The following CNTNAP3B variants were observed in gnomAD, a reference collection of about 807,000 sequenced individuals.
CNTNAP3B encodes contactin-associated protein-like 3B.
A neutral mutation model predicts 108.9 loss-of-function variants in CNTNAP3B; 25 were observed. That is an observed-to-expected ratio of 0.23 (90% CI 0.17 to 0.32). The LOEUF is 0.32. Ranked by LOEUF, CNTNAP3B falls within the 10% of genes least tolerant of loss-of-function variation. The probability of loss-of-function intolerance (pLI) is 1.00; values close to 1 mark genes in which losing one functional copy is unlikely to be tolerated. For missense variants in CNTNAP3B, 252 were observed against 1,210.4 expected (o/e 0.21, Z 11.75); for synonymous variants, 103 against 473.4 (o/e 0.22, Z 10.16).
At chr9:41,952,078 C>A (rs1257559801) in intron 13 of CNTNAP3B, among the ~76,000 whole-genome samples, 1 of 152,252 alleles carries the variant, frequency 6.6e-6, no homozygotes, top group Non-Finnish European at 1.5e-5. Flanking sequence ...TCAATCCAGG[C>A]AGAGGAAATG....
At chr9:42,124,062 G>C (rs1177673897) in intron 1 of CNTNAP3B, among the ~76,000 whole-genome samples, 2 of 136,798 alleles carry the variant, frequency 1.5e-5, no homozygotes, top group Non-Finnish European at 3.1e-5. Flanking sequence ...CGTCTTCTTG[G>C]TAATTTAATT....
chr9:42,107,524 G>A (rs1228672825), intron 1 of CNTNAP3B, among the ~76,000 whole-genome samples: 5 of 124,360 alleles, frequency 4.0e-5, no homozygotes, highest in African/African-American at 1.7e-4. Context: ...TAGGATTAAG[G>A]TCCAAATATA....
intron 13 of CNTNAP3B, among the ~76,000 whole-genome samples, chr9:41,944,717 C>G (rs1824472341): frequency 6.6e-6 from 1 of 152,064 alleles, no homozygotes; most frequent in Non-Finnish European, 1.5e-5. Context: ...TGTAAACAGT[C>G]TAAATATACC....
chr9:42,071,950 T>C (rs1413265614), intron 3 of CNTNAP3B, among the ~76,000 whole-genome samples: 1 of 150,290 alleles, frequency 6.7e-6, no homozygotes, highest in African/African-American at 2.5e-5. Flanking sequence ...ATAATAAACT[T>C]AGTTTTGGAT....
intron 3 of CNTNAP3B, among the ~76,000 whole-genome samples, chr9:42,047,369 T>C (rs57152470): frequency 1.5e-5 from 2 of 133,144 alleles, no homozygotes; most frequent in African/African-American, 3.1e-5. Flanking sequence ...AGTAAGTGGT[T>C]ACTAAAGCTA....
chr9:41,928,776 C>T (rs1823892086), intron 15 of CNTNAP3B, among the ~76,000 whole-genome samples: 2 of 138,574 alleles, frequency 1.4e-5, no homozygotes, highest in East Asian at 4.3e-4. Context: ...CCGTGCTACC[C>T]AGTAGGTAGA....
Position 42,108,178 on chromosome 9 carries a change from C to T in CNTNAP3B, c.86-3439G>A, listed in dbSNP as rs564349819. ...ACAAGTGTTACAGGGGCTGGATCTC[C>T]CTCTTCCTCAGCTTATTTGGAAATC... On this transcript the variant is annotated intron_variant, in intron 1 of 23. Coordinates refer to ENST00000377561, the MANE Select transcript of CNTNAP3B (RefSeq NM_001201380.3). 2.0e-3 allele frequency among the ~76,000 whole-genome samples: 271 copies of T among 136,342 alleles called. 58 individuals are homozygous for T. Among genetic ancestry groups the T allele is most frequent in the African/African-American group, 7.6e-3 (259 of 34,088 alleles). 89.4% of individuals were successfully genotyped at this position (136,342 alleles called of 152,430 possible).
intron 14 of CNTNAP3B, among the ~76,000 whole-genome samples, chr9:41,930,150 C>A (rs1823934853): frequency 6.6e-6 from 1 of 152,264 alleles, no homozygotes; most frequent in Non-Finnish European, 1.5e-5. Context: ...AAAATGAGTC[C>A]CACAGATTCA....
chr9:42,107,991 A>G (rs1828115809), intron 1 of CNTNAP3B, among the ~76,000 whole-genome samples: 1 of 134,466 alleles, frequency 7.4e-6, no homozygotes, highest in Non-Finnish European at 1.6e-5. Flanking sequence ...AAAAAAAAGA[A>G]AGAAAGAAAG....
chr9:41,950,967 G>C (rs528343121), intron 13 of CNTNAP3B, among the ~76,000 whole-genome samples: 1 of 139,672 alleles, frequency 7.2e-6, no homozygotes, highest in African/African-American at 2.7e-5. Context: ...GTGTTAGCCA[G>C]GATGGTCTGA....
Position 42,087,532 on chromosome 9 carries a change from T to C in CNTNAP3B, c.197-10470A>G, listed in dbSNP as rs1274180582. On this transcript the variant is annotated intron_variant, in intron 2 of 23. Coordinates refer to ENST00000377561, the MANE Select transcript of CNTNAP3B (RefSeq NM_001201380.3). ...GAGTGTAATATTCATACGTGCCCTA[T>C]TGCATTGCCCCTGTGGGCCTCAGGG... 3.1e-4 allele frequency among the ~76,000 whole-genome samples: 45 copies of C among 143,468 alleles called. 1 individual carries two copies. Among genetic ancestry groups the C allele is most frequent in the African/African-American group, 1.1e-3 (43 of 38,024 alleles). The allele number at this position is 143,468 out of a possible 152,430, so 94.1% of individuals were successfully genotyped here. A position where few individuals can be genotyped will look rare whatever the true frequency, so the allele number is the denominator to read the frequency against.
At position 42,128,491 on chromosome 9, in the gene CNTNAP3B, G is replaced by T. The variant is rs549833192; in HGVS notation, c.85+519C>A. On this transcript the variant is annotated intron_variant, in intron 1 of 23. Coordinates refer to ENST00000377561, the MANE Select transcript of CNTNAP3B (RefSeq NM_001201380.3). The stretch of plus-strand genomic sequence containing the variant: ...GTTATTCCCTTAGTAGTTAGGGCAG[G>T]TTATTAATTTAGTTTCGCCTACAGG... 3.1e-4 allele frequency among the ~76,000 whole-genome samples: 42 copies of T among 137,658 alleles called. 8 individuals are homozygous for T. The highest frequency in any genetic ancestry group is 1.2e-3 in the African/African-American group (42 of 34,364). The allele number at this position is 137,658 out of a possible 152,430, so 90.3% of individuals were successfully genotyped here. A position where few individuals can be genotyped will look rare whatever the true frequency, so the allele number is the denominator to read the frequency against.
At position 41,947,494 on chromosome 9, in the gene CNTNAP3B, G is replaced by A. The variant is rs1218752274; in HGVS notation, c.2080+5689C>T. Among the ~76,000 whole-genome samples the A allele has an allele frequency of 1.8e-3, 276 of 152,246 alleles. 1 individual carries two copies. The Middle Eastern group carries it at 0.02, about 11-fold the overall frequency. ...AATGAAACTACATGAAAAACTAAAT[G>A]AAAATGAGAATACAACATATCAAAA... On this transcript the variant is annotated intron_variant, in intron 13 of 23. Coordinates refer to ENST00000377561, the MANE Select transcript of CNTNAP3B (RefSeq NM_001201380.3).
rs528037172 is a variant in CNTNAP3B at position 42,121,891 on chromosome 9, C to A, written c.85+7119G>T. Among the ~76,000 whole-genome samples, 4 of 140,084 alleles carry A rather than the reference C, an allele frequency of 2.9e-5. 1 individual carries two copies. The highest frequency in any genetic ancestry group is 4.6e-5 in the Non-Finnish European group (3 of 65,194). The allele number at this position is 140,084 out of a possible 152,430, so 91.9% of individuals were successfully genotyped here. ...AGTCTGCCAGTTTGTTTCATGGTTG[C>A]GGCAGAAGACTCCTGGGTCAAAGCA... On this transcript the variant is annotated intron_variant, in intron 1 of 23. Transcript: ENST00000377561.
intron 1 of CNTNAP3B, among the ~76,000 whole-genome samples, chr9:42,107,046 G>A (rs1828099141): frequency 1.1e-5 from 1 of 92,358 alleles, no homozygotes; most frequent in African/African-American, 4.1e-5. Flanking sequence ...CGTTTCACGT[G>A]TCCCTGGATT....
intron 1 of CNTNAP3B, among the ~76,000 whole-genome samples, chr9:42,121,860 C>T (rs1008108624): frequency 7.1e-6 from 1 of 140,550 alleles, no homozygotes; most frequent in Non-Finnish European, 1.5e-5. Context: ...TGCAAGCTAA[C>T]AAATGAGTCT....
rs1194966774 is a variant in CNTNAP3B at position 42,115,712 on chromosome 9, C to T, written c.86-10973G>A. Among the ~76,000 whole-genome samples the T allele has an allele frequency of 8.5e-5, 10 of 117,798 alleles. 2 individuals are homozygous for T. The East Asian group carries it at 1.3e-3, about 15-fold the overall frequency. The allele number at this position is 117,798 out of a possible 152,430, so 77.3% of individuals were successfully genotyped here. A position where few individuals can be genotyped will look rare whatever the true frequency, so the allele number is the denominator to read the frequency against. On this transcript the variant is annotated intron_variant, in intron 1 of 23. Transcript: ENST00000377561. ...ACAACCACACAAAACCCCATCTGTA[C>T]GTCACCACCATCAAAGACCAAAGGT...
At chr9:41,970,867 A>C (rs1394391905) in intron 9 of CNTNAP3B, among the ~76,000 whole-genome samples, 3 of 143,970 alleles carry the variant, frequency 2.1e-5, no homozygotes, top group African/African-American at 8.0e-5. Flanking sequence ...AGTCAAATAT[A>C]TAACTAAAGA....
At position 41,997,645 on chromosome 9, in the gene CNTNAP3B, C is replaced by G. The variant is rs773311649; in HGVS notation, c.850G>C (p.Val284Leu). The G allele has an allele frequency of 6.2e-7, 1 of 1,609,396 alleles. No homozygotes were observed. Among genetic ancestry groups the G allele is most frequent in the African/African-American group, 1.4e-5 (1 of 73,510 alleles). Reference sequence around the variant, plus strand: ...GTGTGTTTGTCCACGGTGAAGTTGACCTGCGTGTCGAGGAGCTCGATGAGG... The same window carrying G: ...GTGTGTTTGTCCACGGTGAAGTTGAGCTGCGTGTCGAGGAGCTCGATGAGG... ...SVLIELLDTQ[V>L]NFTVDKHTHH... Residue 284 changes from valine to leucine, a missense_variant, in exon 6 of 24, where the codon GTC becomes CTC. Val to Leu is a conservative substitution (Grantham distance 32). Coordinates refer to ENST00000377561, the MANE Select transcript of CNTNAP3B (RefSeq NM_001201380.3).
Sources: allele counts gnomAD v4.1 joint callset (sites outside exome capture counted in the v4.1 genomes callset), GRCh38; gene constraint gnomAD v4.1.1; transcripts MANE v1.5; gene names NCBI Gene and HGNC (gene_info 2026-07-23, HGNC 2026-07-21).